The following C9orf57 variants were observed in gnomAD, a reference collection of about 807,000 sequenced individuals.
The protein encoded by C9orf57 is chromosome 9 open reading frame 57, also known as uncharacterized protein C9orf57.
C9orf57 carries 12 observed loss-of-function variants against 12.9 expected under a neutral mutation model. That is an observed-to-expected ratio of 0.93 (90% CI 0.60 to 1.51). C9orf57 has a LOEUF of 1.51. Among genes scored for constraint, C9orf57 ranks in the 40% most tolerant of loss-of-function variants. C9orf57 has a pLI of 0.00. For missense variants in C9orf57, 141 were observed against 162.8 expected (o/e 0.87, Z 0.73); for synonymous variants, 49 against 57.1 (o/e 0.86, Z 0.64).
At chr9:72,057,078 C>CT (rs1824220774) in intron 2 of C9orf57, among the ~76,000 whole-genome samples, 1 of 151,546 alleles carries the variant, frequency 6.6e-6, no homozygotes, top group Admixed American at 6.6e-5. Context: ...CCGTGTCCAG[C>CT]TTTTTGTATG....
chr9:72,052,556 C>T, intron 4 of C9orf57, 121 bp from the exon 5 acceptor site: 1 of 858,636 alleles, frequency 1.2e-6, no homozygotes, highest in South Asian at 1.9e-5. Flanking sequence ...ACGAATCTAG[C>T]ATTTCCACCA....
chr9:72,058,730 T>G (rs187263011), intron 2 of C9orf57, among the ~76,000 whole-genome samples: 1 of 152,326 alleles, frequency 6.6e-6, no homozygotes, highest in Non-Finnish European at 1.5e-5. Context: ...AGAACATTTT[T>G]AATAGAAAAC....
chr9:72,058,903 G>A (rs1018124478), intron 2 of C9orf57, among the ~76,000 whole-genome samples: 14 of 151,616 alleles, frequency 9.2e-5, no homozygotes, highest in African/African-American at 3.4e-4. Context: ...TTGAAACAGA[G>A]TTTCACTCTT....
At chr9:72,054,198 A>G (rs1824140704) in intron 4 of C9orf57, among the ~76,000 whole-genome samples, 1 of 152,170 alleles carries the variant, frequency 6.6e-6, no homozygotes, top group Admixed American at 6.5e-5. Context: ...GGAGTTCTCC[A>G]TGTTGGTCAG....
intron 3 of C9orf57, 93 bp downstream of exon 3, chr9:72,056,691 C>T: frequency 7.6e-7 from 1 of 1,322,090 alleles, no homozygotes; most frequent in Non-Finnish European, 1.0e-6. Flanking sequence ...CTGGCAAAGC[C>T]CTTAGTGTAG....
chr9:72,053,819 TC>T (rs1307096463), intron 4 of C9orf57, among the ~76,000 whole-genome samples: 4 of 152,202 alleles, frequency 2.6e-5, no homozygotes, highest in African/African-American at 9.6e-5. Context: ...GGATTGTTAT[TC>T]ATCAGTGGTA....
At chr9:72,060,063 T>A (rs949764563) in intron 1 of C9orf57, among the ~76,000 whole-genome samples, 7 of 152,130 alleles carry the variant, frequency 4.6e-5, no homozygotes, top group Admixed American at 1.3e-4. Context: ...TATTATTATT[T>A]TTGAGATGGA....
intron 2 of C9orf57, among the ~76,000 whole-genome samples, chr9:72,057,235 A>T (rs1050884382): frequency 6.3e-5 from 9 of 143,504 alleles, no homozygotes; most frequent in South Asian, 2.2e-4. Context: ...GTAAATTATT[A>T]TTTTTTTTTG....
chr9:72,055,351 T>TCC (rs1333449795), intron 4 of C9orf57, among the ~76,000 whole-genome samples: 1 of 94,310 alleles, frequency 1.1e-5, no homozygotes, highest in Non-Finnish European at 2.3e-5. Flanking sequence ...CTTCCTTCAT[T>TCC]CTTTCCCTCC....
intron 2 of C9orf57, among the ~76,000 whole-genome samples, chr9:72,057,548 G>A (rs961133861): frequency 6.6e-6 from 1 of 152,210 alleles, no homozygotes; most frequent in African/African-American, 2.4e-5. Context: ...TATTTTGAGA[G>A]TTTAATGAGG....
At chr9:72,054,785 G>A (rs941896549) in intron 4 of C9orf57, among the ~76,000 whole-genome samples, 4 of 151,286 alleles carry the variant, frequency 2.6e-5, no homozygotes, top group African/African-American at 9.7e-5. Flanking sequence ...TGTTATCCAT[G>A]TTTCTTATAT....
At chr9:72,056,987 G>A (rs1034173051) in intron 2 of C9orf57, 144 bp from the exon 3 acceptor site, 4 of 599,692 alleles carry the variant, frequency 6.7e-6, no homozygotes, top group South Asian at 2.2e-5. Flanking sequence ...TCGGCTCACT[G>A]CAACCTCCGC....
At position 72,056,138 on chromosome 9, in the gene C9orf57, A is replaced by G. The variant is rs1824195822; in HGVS notation, c.216T>C (p.Leu72=). Residue 72 remains leucine, a synonymous_variant, in exon 4 of 5, where the codon CTT becomes CTC. Coordinates refer to ENST00000651200, the MANE Select transcript of C9orf57 (RefSeq NM_001128618.2). ...CTGCCTGGCAGGTTCCCAGGTCTAAAAGACATCCATGGAAGGGCAGTGAAA... is the reference window on the plus strand; with the variant it reads ...CTGCCTGGCAGGTTCCCAGGTCTAAGAGACATCCATGGAAGGGCAGTGAAA... ...CNLSLPFHGC[L]LDLGTCQAEP... 5 of 1,551,204 alleles carry G rather than the reference A, an allele frequency of 3.2e-6. No individual in the cohort carries two copies. Among genetic ancestry groups the G allele is most frequent in the Non-Finnish European group, 4.4e-6 (5 of 1,146,612 alleles).
chr9:72,052,492 C>A (rs892678970), intron 4 of C9orf57, 57 bp from the exon 5 acceptor site: 1 of 1,499,854 alleles, frequency 6.7e-7, no homozygotes, highest in Non-Finnish European at 9.0e-7. Context: ...TATGTGGCCT[C>A]AGATGCTAAT....
intron 1 of C9orf57, 128 bp from the exon 2 acceptor site, chr9:72,059,512 C>A: frequency 1.7e-6 from 2 of 1,164,368 alleles, no homozygotes; most frequent in Non-Finnish European, 2.4e-6. Context: ...AAATAAGGTA[C>A]CTGTCTTTAT....
intron 4 of C9orf57, among the ~76,000 whole-genome samples, chr9:72,053,601 G>A (rs1317654510): frequency 2.0e-5 from 3 of 152,120 alleles, no homozygotes; most frequent in Admixed American, 2.0e-4. Context: ...CCATAAAGAA[G>A]GGGCTGTGAC....
chr9:72,054,904 G>T (rs1824157356), intron 4 of C9orf57, among the ~76,000 whole-genome samples: 1 of 143,136 alleles, frequency 7.0e-6, no homozygotes. Flanking sequence ...TTACAACTTT[G>T]GGGTTTGGGA....
At chr9:72,058,000 A>C (rs1824243832) in intron 2 of C9orf57, among the ~76,000 whole-genome samples, 1 of 152,190 alleles carries the variant, frequency 6.6e-6, no homozygotes, top group South Asian at 2.1e-4. Context: ...AGATTAAATA[A>C]ACTCACAGAT....
rs1297328612 is a variant in C9orf57, at chr9:72,060,547, T to G, written c.-104A>C. The stretch of plus-strand genomic sequence containing the variant: ...GAAATTTTCCTGGGTCTGAACTTTC[T>G]TAAAAGGATGAGAACGAGTACAATT... On this transcript the variant is annotated 5_prime_UTR_variant, in exon 1 of 5. Transcript: ENST00000651200. The G allele has an allele frequency of 1.3e-6, 2 of 1,549,744 alleles. No homozygotes were observed. Among genetic ancestry groups the G allele is most frequent in the Non-Finnish European group, 1.7e-6 (2 of 1,145,742 alleles).
Sources: gnomAD v4.1 joint callset for allele counts (sites outside exome capture counted in the v4.1 genomes callset) on GRCh38, gnomAD v4.1.1 for gene constraint, MANE v1.5 for transcripts, NCBI Gene and HGNC (gene_info 2026-07-23, HGNC 2026-07-21) for gene names.